Variants in NHERF1 observed in about 807,000 individuals in gnomAD.
The protein encoded by NHERF1 is NHERF family PDZ scaffold protein 1, also known as Na(+)/H(+) exchange regulatory cofactor NHE-RF1.
chr17:74,759,505 G>A, the NHERF1 span, among the ~76,000 whole-genome samples: 1 of 152,192 alleles, frequency 6.6e-6, no homozygotes, highest in African/African-American at 2.4e-5. Context: ...CAGCCGGGGG[G>A]GGCGCCCAGA....
the NHERF1 span, chr17:74,768,786 T>G: frequency 1.3e-6 from 1 of 772,458 alleles, no homozygotes; most frequent in Non-Finnish European, 2.1e-6. Flanking sequence ...GACAAATGAT[T>G]TTTCTAGAGA....
At chr17:74,754,121 G>A in the NHERF1 span, among the ~76,000 whole-genome samples, 1 of 151,794 alleles carries the variant, frequency 6.6e-6, no homozygotes, top group African/African-American at 2.4e-5. Flanking sequence ...CCGAGATCGC[G>A]CCACTGCACT....
chr17:74,749,360 C>A, the NHERF1 span: 1 of 1,336,600 alleles, frequency 7.5e-7, no homozygotes, highest in Non-Finnish European at 9.9e-7. The surrounding 1 kb of genome is among the most constrained non-coding windows in gnomAD (Gnocchi z 5.6). Context: ...GTGCCCCGGC[C>A]GTCCAGCCCC....
chr17:74,748,650 T>C, the NHERF1 span: 1 of 522,656 alleles, frequency 1.9e-6, no homozygotes, highest in Non-Finnish European at 3.4e-6. The surrounding 1 kb of genome is among the most constrained non-coding windows in gnomAD (Gnocchi z 4.3). Context: ...GGGCGGGGAT[T>C]GGTCTGTGGT....
chr17:74,748,717 C>T, the NHERF1 span: 1 of 809,952 alleles, frequency 1.2e-6, no homozygotes, highest in Admixed American at 2.8e-5. This position sits in a 1 kb window ranked among gnomAD's most constrained non-coding sequence, Gnocchi z 4.3. Flanking sequence ...CACCTGCTTG[C>T]TTGGCCCGTC....
chr17:74,765,607 A>C, the NHERF1 span, among the ~76,000 whole-genome samples: 3 of 149,764 alleles, frequency 2.0e-5, no homozygotes, highest in Non-Finnish European at 4.4e-5. Context: ...GCTAGAGTGC[A>C]ATGGCACAAT....
the NHERF1 span, among the ~76,000 whole-genome samples, chr17:74,752,490 TTTTTTG>T: frequency 7.2e-5 from 11 of 152,018 alleles, no homozygotes; most frequent in Non-Finnish European, 8.8e-5. Context: ...TTCCTTCACT[TTTTTTG>T]TTTTTGTTTT....
chr17:74,768,813 A>C, the NHERF1 span: 19 of 672,446 alleles, frequency 2.8e-5, no homozygotes, highest in East Asian at 4.7e-4. Context: ...TTCTTCCCTG[A>C]CTTTAGGGAA....
the NHERF1 span, chr17:74,766,824 T>C: frequency 9.7e-7 from 1 of 1,031,158 alleles, no homozygotes; most frequent in South Asian, 1.3e-5. Flanking sequence ...AAGTTTGAGA[T>C]GTTGACCCAG....
the NHERF1 span, among the ~76,000 whole-genome samples, chr17:74,764,566 G>A: frequency 6.6e-6 from 1 of 152,180 alleles, no homozygotes; most frequent in South Asian, 2.1e-4. This position sits in a 1 kb window ranked among gnomAD's most constrained non-coding sequence, Gnocchi z 4.9. Context: ...GATCTGATAC[G>A]AGGAAGACAC....
chr17:74,749,543 C>T, the NHERF1 span, among the ~76,000 whole-genome samples: 1 of 152,202 alleles, frequency 6.6e-6, no homozygotes, highest in Non-Finnish European at 1.5e-5. The surrounding 1 kb of genome is among the most constrained non-coding windows in gnomAD (Gnocchi z 5.6). Context: ...CCTCTTGTTC[C>T]CTGGCCTTTG....
At chr17:74,764,942 GA>G in the NHERF1 span, among the ~76,000 whole-genome samples, 9 of 152,194 alleles carry the variant, frequency 5.9e-5, no homozygotes, top group Non-Finnish European at 1.3e-4. This position sits in a 1 kb window ranked among gnomAD's most constrained non-coding sequence, Gnocchi z 4.9. Context: ...AGGAGAAGAT[GA>G]GAGTCAGGTA....
the NHERF1 span, among the ~76,000 whole-genome samples, chr17:74,757,456 C>T: frequency 6.6e-6 from 1 of 152,110 alleles, no homozygotes; most frequent in Admixed American, 6.5e-5. Context: ...AGGGCCACTA[C>T]GCAGGGGGCC....
At chr17:74,756,673 A>G in the NHERF1 span, among the ~76,000 whole-genome samples, 3 of 152,134 alleles carry the variant, frequency 2.0e-5, no homozygotes, top group African/African-American at 7.2e-5. Context: ...TCTGGATCTG[A>G]GCTCAAATCC....
At chr17:74,762,308 G>T in the NHERF1 span, 1 of 650,212 alleles carries the variant, frequency 1.5e-6, no homozygotes, top group Non-Finnish European at 2.8e-6. This position sits in a 1 kb window ranked among gnomAD's most constrained non-coding sequence, Gnocchi z 4.2. Context: ...GGATGGATGG[G>T]TGGATGGGAG....
At chr17:74,760,911 T>G in the NHERF1 span, among the ~76,000 whole-genome samples, 19 of 152,254 alleles carry the variant, frequency 1.2e-4, no homozygotes, top group Non-Finnish European at 2.6e-4. This position sits in a 1 kb window ranked among gnomAD's most constrained non-coding sequence, Gnocchi z 4.5. Flanking sequence ...CCACTGCTCA[T>G]TGTCTGATGT....
the NHERF1 span, chr17:74,768,474 T>A: frequency 1.2e-6 from 2 of 1,613,978 alleles, no homozygotes; most frequent in Non-Finnish European, 1.7e-6. Context: ...ACAGCTGAAT[T>A]CCCAAGACAG....
At chr17:74,761,549 G>A in the NHERF1 span, among the ~76,000 whole-genome samples, 14 of 152,182 alleles carry the variant, frequency 9.2e-5, no homozygotes, top group African/African-American at 2.9e-4. This position sits in a 1 kb window ranked among gnomAD's most constrained non-coding sequence, Gnocchi z 4.3. Context: ...TGCAGAGAAC[G>A]GGGTACAAAG....
At chr17:74,766,993 T>A in the NHERF1 span, 42 of 1,612,350 alleles carry the variant, frequency 2.6e-5, no homozygotes, top group South Asian at 4.0e-4. Flanking sequence ...GCGGGTCCCC[T>A]GTCTCTTTGG....
Sources: gnomAD v4.1 joint callset for allele counts (sites outside exome capture counted in the v4.1 genomes callset) on GRCh38, gnomAD v4.1.1 for gene constraint, Gnocchi (gnomAD v3.1) non-coding constraint, MANE v1.5 for transcripts, NCBI Gene and HGNC (gene_info 2026-07-23, HGNC 2026-07-21) for gene names.